The following FUT8 variants were observed in gnomAD, a reference collection of about 807,000 sequenced individuals.
FUT8 encodes fucosyltransferase 8.
FUT8 carries 29 observed loss-of-function variants against 71.3 expected under a neutral mutation model. That is an observed-to-expected ratio of 0.41 (90% CI 0.30 to 0.55). The LOEUF is 0.55. Among genes scored for constraint, FUT8 ranks in the 20% least tolerant of loss-of-function variants. The pLI is 0.34. For missense variants in FUT8, 544 were observed against 702.1 expected (o/e 0.77, Z 2.55); for synonymous variants, 254 against 239.3 (o/e 1.06, Z -0.57).
chr14:65,605,066 G>A (rs1888506521), intron 3 of FUT8, among the ~76,000 whole-genome samples: 1 of 151,784 alleles, frequency 6.6e-6, no homozygotes, highest in African/African-American at 2.4e-5. Context: ...GGTATACTTT[G>A]TTCATTTTAA....
rs1389966074 is a variant in FUT8, at chr14:65,550,657, C to T, written c.-227-10680C>T. Among the ~76,000 whole-genome samples the T allele has an allele frequency of 6.6e-6, 1 of 151,976 alleles. No individual in the cohort carries two copies. The highest frequency in any genetic ancestry group is 2.4e-5 in the African/African-American group (1 of 41,404). On this transcript the variant is annotated intron_variant, in intron 2 of 10. Transcript: ENST00000673929. The surrounding 1 kb of genome is among the most constrained non-coding windows in gnomAD (Gnocchi z 4.5). ...TTTTATTGTAGTTTTCTTTTTTCAA[C>T]ATTTTCATTTTTTCTTTTAAATCCT...
intron 2 of FUT8, chr14:65,488,650 T>C (rs565603419): frequency 6.6e-6 from 1 of 152,370 alleles, no homozygotes; most frequent in South Asian, 2.1e-4. Context: ...TCTTTAAATA[T>C]GTAAATCTTC....
At chr14:65,717,703 C>T (rs1895196024) in intron 7 of FUT8, among the ~76,000 whole-genome samples, 1 of 148,576 alleles carries the variant, frequency 6.7e-6, no homozygotes, top group South Asian at 2.2e-4. Flanking sequence ...TCCTCACTTC[C>T]CAGACGGGGC....
At chr14:65,367,433 G>C in the FUT8 span, among the ~76,000 whole-genome samples, 2 of 152,170 alleles carry the variant, frequency 1.3e-5, no homozygotes, top group Non-Finnish European at 2.9e-5. Flanking sequence ...GATCCTCCCA[G>C]CACTGAGCAA....
At chr14:65,411,931 G>A (rs2065131445), upstream of FUT8, 1 of 431,594 alleles carries the variant, frequency 2.3e-6, no homozygotes, top group Non-Finnish European at 4.6e-6. Flanking sequence ...GGGCTGCTCT[G>A]GGGCAGCCCT....
At chr14:65,567,874 A>T (rs1455762084) in intron 3 of FUT8, among the ~76,000 whole-genome samples, 3 of 151,858 alleles carry the variant, frequency 2.0e-5, no homozygotes, top group Non-Finnish European at 4.4e-5. Flanking sequence ...TGAGCTGTTT[A>T]TTTATGATTT....
At chr14:65,587,334 A>C (rs1297799730) in intron 3 of FUT8, among the ~76,000 whole-genome samples, 1 of 152,236 alleles carries the variant, frequency 6.6e-6, no homozygotes, top group Non-Finnish European at 1.5e-5. Flanking sequence ...GAAGTTCAGA[A>C]ATGATATGAC....
chr14:65,487,965 C>G (rs1346038913), intron 2 of FUT8, among the ~76,000 whole-genome samples: 1 of 152,112 alleles, frequency 6.6e-6, no homozygotes, highest in Admixed American at 6.5e-5. Context: ...GTAGCTAGGA[C>G]TACAAGTGTG....
chr14:65,508,376 T>C (rs1334965987), intron 2 of FUT8, among the ~76,000 whole-genome samples: 2 of 151,254 alleles, frequency 1.3e-5, no homozygotes, highest in African/African-American at 4.9e-5. Context: ...GGCCGAACAC[T>C]TTTTCATACG....
At chr14:65,626,618 C>T (rs1188968826) in intron 5 of FUT8, among the ~76,000 whole-genome samples, 1 of 152,110 alleles carries the variant, frequency 6.6e-6, no homozygotes, top group Non-Finnish European at 1.5e-5. Flanking sequence ...CATTTCTTAC[C>T]TAGTTTGTAA....
chr14:65,438,604 TATC>T (rs1400879782), intron 1 of FUT8, among the ~76,000 whole-genome samples: 1 of 152,216 alleles, frequency 6.6e-6, no homozygotes, highest in Admixed American at 6.5e-5. Context: ...TCTGGAGTAT[TATC>T]AGATTATTTT....
At chr14:65,562,170 CA>C (rs1392632773) in intron 3 of FUT8, among the ~76,000 whole-genome samples, 26 of 152,042 alleles carry the variant, frequency 1.7e-4, no homozygotes, top group Non-Finnish European at 3.4e-4. Flanking sequence ...TTTGCATATG[CA>C]TTTTAATGTA....
chr14:65,478,244 C>G (rs2066277523), intron 2 of FUT8, among the ~76,000 whole-genome samples: 1 of 152,040 alleles, frequency 6.6e-6, no homozygotes, highest in African/African-American at 2.4e-5. Flanking sequence ...CAGGAGTCCC[C>G]AAGGCCCCCC....
intron 7 of FUT8, among the ~76,000 whole-genome samples, chr14:65,679,568 A>T (rs1892937419): frequency 6.6e-6 from 1 of 152,184 alleles, no homozygotes; most frequent in Non-Finnish European, 1.5e-5. Context: ...GTACATCTGT[A>T]TCATGATTTA....
chr14:65,370,449 C>G, the FUT8 span, among the ~76,000 whole-genome samples: 1 of 151,682 alleles, frequency 6.6e-6, no homozygotes, highest in South Asian at 2.1e-4. Context: ...ACCTCGTGAT[C>G]TGCCTGCCTC....
At chr14:65,380,665 G>A in the FUT8 span, among the ~76,000 whole-genome samples, 2 of 152,098 alleles carry the variant, frequency 1.3e-5, no homozygotes, top group Non-Finnish European at 2.9e-5. Flanking sequence ...ATCCCTCTGG[G>A]GTCCTCCAAG....
At chr14:65,722,441 A>G (rs181401141) in intron 8 of FUT8, among the ~76,000 whole-genome samples, 1 of 152,264 alleles carries the variant, frequency 6.6e-6, no homozygotes, top group Admixed American at 6.5e-5. Context: ...AAAGGCATGT[A>G]TCACCATGTC....
intron 2 of FUT8, among the ~76,000 whole-genome samples, chr14:65,501,359 A>T (rs1407508955): frequency 1.3e-5 from 2 of 152,176 alleles, no homozygotes; most frequent in Admixed American, 1.3e-4. Context: ...CACTATTCAT[A>T]TGGTTGAGGG....
intron 2 of FUT8, among the ~76,000 whole-genome samples, chr14:65,530,178 C>G (rs979176713): frequency 1.8e-4 from 27 of 151,962 alleles, no homozygotes; most frequent in African/African-American, 6.5e-4. Context: ...GTATTATGAC[C>G]TCTTGTGTTT....
Sources: gnomAD v4.1 joint callset for allele counts (sites outside exome capture counted in the v4.1 genomes callset) on GRCh38, gnomAD v4.1.1 for gene constraint, Gnocchi (gnomAD v3.1) non-coding constraint, MANE v1.5 for transcripts, NCBI Gene and HGNC (gene_info 2026-07-23, HGNC 2026-07-21) for gene names.